The following STPG2 variants were observed in gnomAD, a reference collection of about 807,000 sequenced individuals.
STPG2 encodes sperm-tail PG-rich repeat-containing protein 2.
In STPG2, 56 loss-of-function variants were observed where a neutral mutation model predicts 54.2. The observed-to-expected ratio is 1.03, with a 90% CI of 0.83 to 1.29. The LOEUF (loss-of-function observed/expected upper bound fraction) is 1.29, where lower values mean the gene tolerates loss of function less well. Ranked by LOEUF, STPG2 falls within the 50% of genes most tolerant of loss-of-function variation. STPG2 has a pLI of 0.00. For missense variants in STPG2, 596 were observed against 544.9 expected, an observed-to-expected ratio of 1.09 and a Z score of -0.93; for synonymous variants, 200 against 181.8, an observed-to-expected ratio of 1.10 and a Z score of -0.81.
chr4:97,561,991 G>A (rs763819978), intron 10 of STPG2, among the ~76,000 whole-genome samples: 2 of 152,136 alleles, frequency 1.3e-5, no homozygotes, highest in African/African-American at 4.8e-5. Flanking sequence ...GTCATTGGTA[G>A]CTTGATGGGG....
chr4:97,881,871 A>T (rs1183189637), intron 8 of STPG2, among the ~76,000 whole-genome samples: 1 of 152,156 alleles, frequency 6.6e-6, no homozygotes, highest in Non-Finnish European at 1.5e-5. Flanking sequence ...TTTAATTTCA[A>T]AACTGATTTT....
chr4:97,884,248 T>A (rs1376175361), intron 8 of STPG2, among the ~76,000 whole-genome samples: 1 of 152,120 alleles, frequency 6.6e-6, no homozygotes, highest in Non-Finnish European at 1.5e-5. Flanking sequence ...ACAAACAAAC[T>A]ATTATGAGCT....
intron 7 of STPG2, among the ~76,000 whole-genome samples, chr4:97,952,189 G>A (rs1733497525): frequency 6.6e-6 from 1 of 152,068 alleles, no homozygotes; most frequent in South Asian, 2.1e-4. Flanking sequence ...CAGTCACCCT[G>A]AAATGTTTGA....
intron 8 of STPG2, among the ~76,000 whole-genome samples, chr4:97,927,030 A>G (rs1383671269): frequency 1.3e-5 from 2 of 152,120 alleles, no homozygotes; most frequent in African/African-American, 4.8e-5. Context: ...AATTTACAGA[A>G]GTTGCCTAAA....
At chr4:97,635,667 CA>C (rs1343227508) in intron 10 of STPG2, among the ~76,000 whole-genome samples, 8 of 151,708 alleles carry the variant, frequency 5.3e-5, no homozygotes, top group African/African-American at 1.7e-4. Flanking sequence ...AAATGGAAAA[CA>C]AAAAAAGGCA....
At chr4:97,884,358 T>G (rs1449596545) in intron 8 of STPG2, among the ~76,000 whole-genome samples, 1 of 152,102 alleles carries the variant, frequency 6.6e-6, no homozygotes, top group African/African-American at 2.4e-5. Flanking sequence ...AAATGGTAAT[T>G]AAGTTAAAAT....
At chr4:97,979,410 G>A (rs1560620337) in intron 6 of STPG2, among the ~76,000 whole-genome samples, 1 of 152,140 alleles carries the variant, frequency 6.6e-6, no homozygotes, top group South Asian at 2.1e-4. Context: ...TGACTGTTGT[G>A]GGCCTCCAGT....
intron 9 of STPG2, among the ~76,000 whole-genome samples, chr4:97,821,673 C>T (rs1728095969): frequency 6.6e-6 from 1 of 152,206 alleles, no homozygotes; most frequent in Non-Finnish European, 1.5e-5. Flanking sequence ...GGCCGCCAAG[C>T]CTCCCTCACT....
At chr4:98,026,109 C>A in intron 5 of STPG2, 1 of 1,451,720 alleles carries the variant, frequency 6.9e-7, no homozygotes, top group Non-Finnish European at 9.5e-7. Context: ...AAAGCTCATG[C>A]TGCTATACGA....
intron 8 of STPG2, among the ~76,000 whole-genome samples, chr4:97,877,670 C>T (rs1730228041): frequency 6.6e-6 from 1 of 152,088 alleles, no homozygotes; most frequent in Non-Finnish European, 1.5e-5. Flanking sequence ...CTGGGTCCCT[C>T]CCACAACATG....
intron 7 of STPG2, among the ~76,000 whole-genome samples, chr4:97,944,503 A>G (rs1176799890): frequency 6.6e-6 from 1 of 152,066 alleles, no homozygotes; most frequent in Non-Finnish European, 1.5e-5. Flanking sequence ...TTAATAGGCT[A>G]GAGGAATCTA....
intron 10 of STPG2, among the ~76,000 whole-genome samples, chr4:97,673,730 T>C (rs192221505): frequency 3.9e-5 from 6 of 152,176 alleles, no homozygotes; most frequent in Admixed American, 3.3e-4. Flanking sequence ...AGAATAAAAA[T>C]TCAGAAACAT....
intron 10 of STPG2, among the ~76,000 whole-genome samples, chr4:97,567,039 A>AT (rs1553938549): frequency 2.0e-5 from 3 of 151,918 alleles, no homozygotes; most frequent in African/African-American, 4.8e-5. Flanking sequence ...TAATAATAAT[A>AT]AAATAAATAA....
intron 5 of STPG2, among the ~76,000 whole-genome samples, chr4:98,001,552 C>A (rs1735416934): frequency 6.6e-6 from 1 of 151,786 alleles, no homozygotes; most frequent in African/African-American, 2.4e-5. Context: ...TTAAACACAT[C>A]CAAATGAAAT....
chr4:97,626,470 C>T (rs1268139728), intron 10 of STPG2, among the ~76,000 whole-genome samples: 1 of 152,132 alleles, frequency 6.6e-6, no homozygotes, highest in Non-Finnish European at 1.5e-5. Context: ...TGGTACACTT[C>T]ACCCCTTTGT....
intron 8 of STPG2, among the ~76,000 whole-genome samples, chr4:97,910,393 T>C (rs903271668): frequency 3.3e-5 from 5 of 152,208 alleles, no homozygotes; most frequent in African/African-American, 9.6e-5. Context: ...AAAAGACTCA[T>C]AGGTGAAACT....
chr4:97,628,740 C>T (rs540413360), intron 10 of STPG2, among the ~76,000 whole-genome samples: 3 of 151,964 alleles, frequency 2.0e-5, no homozygotes, highest in Non-Finnish European at 4.4e-5. Context: ...AAATAAAACC[C>T]CTCAGTCAAC....
At chr4:98,017,547 T>G (rs1178141222) in intron 5 of STPG2, among the ~76,000 whole-genome samples, 2 of 152,258 alleles carry the variant, frequency 1.3e-5, no homozygotes, top group Admixed American at 1.3e-4. Context: ...AATGTGAAAC[T>G]GTCCTTCCTA....
Position 97,963,294 on chromosome 4 carries a change from AT to A in STPG2, c.933+8985del, listed in dbSNP as rs566140320. 3.9e-3 allele frequency among the ~76,000 whole-genome samples: 598 copies of A among 152,354 alleles called. 3 individuals are homozygous for A. Among genetic ancestry groups the A allele is most frequent in the Non-Finnish European group, 6.6e-3 (448 of 68,030 alleles). On this transcript the variant is annotated intron_variant, in intron 7 of 10. Coordinates refer to ENST00000295268, the MANE Select transcript of STPG2 (RefSeq NM_174952.3). ...AATGTTCCAAAAACTATTAACATTC[AT>A]GATGGATTTAAAATATACTTATATC... is the stretch of plus-strand genomic sequence containing the variant.
Sources: gnomAD v4.1 joint callset for allele counts (sites outside exome capture counted in the v4.1 genomes callset) on GRCh38, gnomAD v4.1.1 for gene constraint, MANE v1.5 for transcripts, NCBI Gene and HGNC (gene_info 2026-07-23, HGNC 2026-07-21) for gene names.